Variants in ERC1 observed in about 807,000 individuals in gnomAD.
The protein encoded by ERC1 is ELKS/RAB6-interacting/CAST family member 1.
Under a neutral mutation model 132.0 loss-of-function variants are expected in ERC1, and 56 were observed. That is an observed-to-expected ratio of 0.42 (90% CI 0.34 to 0.53). The LOEUF (loss-of-function observed/expected upper bound fraction) is 0.53, where lower values mean the gene tolerates loss of function less well. ERC1 is among the 20% of genes least tolerant of loss of function. ERC1 has a pLI of 0.03. For missense variants in ERC1, 1,202 were observed against 1,349.9 expected (o/e 0.89, Z 1.72); for synonymous variants, 478 against 476.1 (o/e 1.00, Z -0.05).
At chr12:1,386,873 A>T (rs2089437561) in intron 16 of ERC1, 1 of 152,166 alleles carries the variant, frequency 6.6e-6, no homozygotes, top group African/African-American at 2.4e-5. Context: ...ATCTTAAAAA[A>T]TCAAAACTTA....
At chr12:1,290,960 C>G (rs1009225395) in intron 15 of ERC1, among the ~76,000 whole-genome samples, 1 of 152,214 alleles carries the variant, frequency 6.6e-6, no homozygotes, top group Middle Eastern at 3.2e-3. Context: ...TGCATAAATG[C>G]ACAGTCTGTC....
At chr12:1,426,060 GC>G (rs1270256028) in intron 17 of ERC1, among the ~76,000 whole-genome samples, 1 of 151,862 alleles carries the variant, frequency 6.6e-6, no homozygotes, top group African/African-American at 2.4e-5. Context: ...CTTCTATATA[GC>G]TTTTGCATAG....
intron 2 of ERC1, among the ~76,000 whole-genome samples, chr12:1,044,666 T>G (rs889034482): frequency 1.3e-5 from 2 of 152,206 alleles, no homozygotes; most frequent in African/African-American, 4.8e-5. Flanking sequence ...TAATATATTT[T>G]GAAGTATGAA....
chr12:1,339,315 C>T (rs2083595422), intron 15 of ERC1, among the ~76,000 whole-genome samples: 1 of 148,018 alleles, frequency 6.8e-6, no homozygotes, highest in African/African-American at 2.5e-5. Flanking sequence ...GGCAGCTCAG[C>T]TGGACGACTG....
At chr12:1,475,670 T>C (rs2093955764) in intron 18 of ERC1, among the ~76,000 whole-genome samples, 2 of 152,224 alleles carry the variant, frequency 1.3e-5, no homozygotes, top group African/African-American at 4.8e-5. Flanking sequence ...CTTAGTCTTT[T>C]ATTTTGTAGG....
At chr12:1,163,002 T>C (rs758942900) in intron 8 of ERC1, among the ~76,000 whole-genome samples, 8 of 152,192 alleles carry the variant, frequency 5.3e-5, no homozygotes, top group Non-Finnish European at 1.0e-4. Context: ...GCAAAAACAA[T>C]GCGCAGTAAA....
chr12:1,332,389 T>C (rs2082936780), intron 15 of ERC1, among the ~76,000 whole-genome samples: 1 of 152,242 alleles, frequency 6.6e-6, no homozygotes, highest in Non-Finnish European at 1.5e-5. Flanking sequence ...ACAGCCTTAG[T>C]TGTTAAACTC....
chr12:1,461,786 T>C (rs1217862416), intron 18 of ERC1, among the ~76,000 whole-genome samples: 1 of 152,212 alleles, frequency 6.6e-6, no homozygotes, highest in Non-Finnish European at 1.5e-5. Context: ...ACCTAACATA[T>C]ATTGCTAAAA....
intron 7 of ERC1, among the ~76,000 whole-genome samples, chr12:1,135,757 G>A (rs1483478535): frequency 6.6e-6 from 1 of 152,172 alleles, no homozygotes; most frequent in Non-Finnish European, 1.5e-5. Context: ...CTCTTTCTCA[G>A]AGCCCTCATA....
At chr12:1,476,148 C>T (rs939176221) in intron 18 of ERC1, among the ~76,000 whole-genome samples, 13 of 151,638 alleles carry the variant, frequency 8.6e-5, no homozygotes, top group Non-Finnish European at 1.5e-4. Context: ...CCCAGCTACT[C>T]AGGAGGCTGA....
intron 6 of ERC1, 104 bp from the exon 7 acceptor site, chr12:1,115,762 G>C (rs1168355357): frequency 1.1e-5 from 11 of 985,570 alleles, no homozygotes; most frequent in Non-Finnish European, 1.5e-5. Context: ...CACAGTTCGT[G>C]CTGCATTTAG....
chr12:1,133,786 A>G (rs767852254), intron 7 of ERC1, among the ~76,000 whole-genome samples: 2 of 152,182 alleles, frequency 1.3e-5, no homozygotes, highest in Non-Finnish European at 2.9e-5. Flanking sequence ...CCCTTTGATC[A>G]GCATCTCCCC....
At chr12:1,180,272 TGTGTGTGTGTGCGCGCACGCGTGTGC>T (rs1215046372) in intron 8 of ERC1, among the ~76,000 whole-genome samples, 1 of 147,996 alleles carries the variant, frequency 6.8e-6, no homozygotes, top group African/African-American at 2.6e-5. Flanking sequence ...TGTGTGTGTG[TGTGTGTGTGTGCGCGCACGCGTGTGC>T]GCGCGCGCAT....
At chr12:1,258,637 A>G (rs527834186) in intron 13 of ERC1, among the ~76,000 whole-genome samples, 8 of 152,344 alleles carry the variant, frequency 5.3e-5, no homozygotes, top group Admixed American at 1.3e-4. Flanking sequence ...GACAGATTAG[A>G]GATTTTTAAA....
chr12:1,232,684 G>A (rs935360452), intron 12 of ERC1, among the ~76,000 whole-genome samples: 6 of 151,278 alleles, frequency 4.0e-5, no homozygotes, highest in African/African-American at 1.5e-4. Context: ...TAAACTGTTT[G>A]TTTTGTTCAT....
chr12:1,443,796 T>A (rs1008567754), intron 17 of ERC1: 2 of 152,110 alleles, frequency 1.3e-5, no homozygotes, highest in African/African-American at 4.8e-5. Flanking sequence ...CCAGAAGGAA[T>A]CAAAGGAGTA....
chr12:1,289,789 C>A, intron 14 of ERC1, 63 bp from the exon 15 acceptor site: 2 of 1,392,814 alleles, frequency 1.4e-6, no homozygotes, highest in African/African-American at 1.4e-5. Context: ...TGCGTGTTAC[C>A]CAGGTCCTCT....
chr12:1,325,502 T>C (rs2082384426), intron 15 of ERC1, among the ~76,000 whole-genome samples: 2 of 152,314 alleles, frequency 1.3e-5, no homozygotes, highest in South Asian at 4.1e-4. Context: ...CGACAACTGA[T>C]TTTATTGGTA....
intron 15 of ERC1, among the ~76,000 whole-genome samples, chr12:1,364,674 G>A (rs1429306035): frequency 6.6e-6 from 1 of 152,134 alleles, no homozygotes; most frequent in Non-Finnish European, 1.5e-5. Flanking sequence ...CTTAGCCTGA[G>A]GTGATTTCTC....
Sources: allele counts gnomAD v4.1 joint callset (sites outside exome capture counted in the v4.1 genomes callset), GRCh38; gene constraint gnomAD v4.1.1; transcripts MANE v1.5; gene names NCBI Gene and HGNC (gene_info 2026-07-23, HGNC 2026-07-21).